Variants in LGALS2 observed in about 807,000 individuals in gnomAD.
The protein encoded by LGALS2 is galectin-2.
In LGALS2, 7 loss-of-function variants were observed where a neutral mutation model predicts 10.1. The observed-to-expected ratio is 0.70, with a 90% CI of 0.40 to 1.31. The LOEUF is 1.31. Among genes scored for constraint, LGALS2 ranks in the 50% most tolerant of loss-of-function variants. LGALS2 has a pLI of 0.01. For synonymous variants in LGALS2, 86 were observed against 64.2 expected, an observed-to-expected ratio of 1.34 and a Z score of -1.63; for missense variants, 167 against 163.6, an observed-to-expected ratio of 1.02 and a Z score of -0.11.
Position 37,571,897 on chromosome 22 carries a change from G to T in LGALS2, c.41C>A (p.Pro14Gln). ...ELEVKNMDMKPGSTLKITGSI... is the reference protein window; with the variant it reads ...ELEVKNMDMKQGSTLKITGSI... ...GCCTGTGATCTTCAGGGTTGACCCC[G>T]GCTTCATGTCCATGTTCTTAACCTC... Residue 14 changes from proline (P) to glutamine (Q), a missense_variant, in exon 2 of 4, where the codon CCG (proline) becomes CAG (glutamine). By Grantham distance (76) the Pro-to-Gln change is moderately conservative. Transcript: ENST00000215886. 1 of 1,614,052 alleles carries T rather than the reference G, an allele frequency of 6.2e-7. No individual in the cohort carries two copies. The highest frequency in any genetic ancestry group is 8.5e-7 in the Non-Finnish European group (1 of 1,179,964).
intron 1 of LGALS2, among the ~76,000 whole-genome samples, chr22:37,576,578 C>T (rs1183873963): frequency 5.3e-5 from 8 of 152,098 alleles, no homozygotes; most frequent in East Asian, 1.9e-4. Flanking sequence ...CAGGTGTGCC[C>T]GCCACACAGA....
At chr22:37,572,688 A>G (rs1432750717) in intron 1 of LGALS2, among the ~76,000 whole-genome samples, 1 of 150,686 alleles carries the variant, frequency 6.6e-6, no homozygotes, top group African/African-American at 2.4e-5. Flanking sequence ...AATGGTGTGA[A>G]CCCGGGAGGC....
At chr22:37,579,577 C>T (rs1181745246) in intron 1 of LGALS2, among the ~76,000 whole-genome samples, 1 of 152,102 alleles carries the variant, frequency 6.6e-6, no homozygotes, top group Non-Finnish European at 1.5e-5. Flanking sequence ...GGATTACAGG[C>T]ATGTGCCACC....
chr22:37,571,983 A>G (rs1925513215), intron 1 of LGALS2, 52 bp from the exon 2 acceptor site: 1 of 1,463,684 alleles, frequency 6.8e-7, no homozygotes, highest in South Asian at 1.1e-5. Flanking sequence ...AATCAATCCC[A>G]CACTTGCCCA....
At chr22:37,576,376 C>T (rs1268536094) in intron 1 of LGALS2, among the ~76,000 whole-genome samples, 4 of 148,782 alleles carry the variant, frequency 2.7e-5, no homozygotes, top group East Asian at 2.0e-4. Context: ...GGCGTGAACC[C>T]GGGAGGCGGT....
chr22:37,574,876 C>CTTT (rs1344887301), intron 1 of LGALS2, among the ~76,000 whole-genome samples: 1 of 137,212 alleles, frequency 7.3e-6, no homozygotes, highest in African/African-American at 2.7e-5. Flanking sequence ...GCAGTAAGTT[C>CTTT]TTTTTTTTTT....
At chr22:37,573,856 G>GAGT (rs929924597) in intron 1 of LGALS2, among the ~76,000 whole-genome samples, 1 of 150,774 alleles carries the variant, frequency 6.6e-6, no homozygotes, top group African/African-American at 2.4e-5. Flanking sequence ...TCAGCCTCCC[G>GAGT]AGTAGCTGGG....
At position 37,579,921 on chromosome 22, in the gene LGALS2, C is replaced by T. The variant is rs774660189; in HGVS notation, c.-16G>A. 57 of 1,611,210 alleles carry T rather than the reference C, an allele frequency of 3.5e-5. 1 individual carries two copies. Among genetic ancestry groups the T allele is most frequent in the South Asian group, 2.1e-4 (19 of 89,970 alleles). On this transcript the variant is annotated 5_prime_UTR_variant, in exon 1 of 4. Transcript: ENST00000215886. ...TCACCGTCATGGTGACAGCTCCTGGCGGCAGCTCCCAGCGGCTCCTGGAGG... is the reference window on the plus strand; with the variant it reads ...TCACCGTCATGGTGACAGCTCCTGGTGGCAGCTCCCAGCGGCTCCTGGAGG...
chr22:37,576,861 A>G (rs924713721), intron 1 of LGALS2, among the ~76,000 whole-genome samples: 2 of 152,306 alleles, frequency 1.3e-5, no homozygotes, highest in South Asian at 2.1e-4. Flanking sequence ...TCAGGGGTGC[A>G]CTTGGACAAA....
chr22:37,579,478 G>C (rs1405968220), intron 1 of LGALS2, among the ~76,000 whole-genome samples: 1 of 151,982 alleles, frequency 6.6e-6, no homozygotes, highest in Non-Finnish European at 1.5e-5. Context: ...TGTTGCCCAG[G>C]CTGGAGTGCA....
rs778330631 is a variant in LGALS2, at chr22:37,570,320, C to T, written c.342G>A (p.Leu114=). 1.2e-6 allele frequency: 2 copies of T among 1,614,044 alleles called. No homozygotes were observed. The highest frequency in any genetic ancestry group is 2.2e-5 in the South Asian group (2 of 91,078). ...TFPNRLGHSH[L]SYLSVRGGFN... is the part of the protein sequence containing the mutation. ...ACCCGCCCCTTACGCTCAGGTAGCT[C>T]AGGTGGCTGTGACCCAGCCTGTTGG... The change falls in exon 4 of 4, where the codon CTG becomes CTA. Residue 114 remains leucine, a synonymous_variant. Coordinates refer to ENST00000215886, the MANE Select transcript of LGALS2 (RefSeq NM_006498.3).
intron 1 of LGALS2, among the ~76,000 whole-genome samples, chr22:37,572,843 C>T (rs11912616): frequency 0.11 from 16,221 of 148,680 alleles, 2,332 homozygotes; most frequent in African/African-American, 0.34. Flanking sequence ...TGGTGGCGGG[C>T]GCCTGTAATC....
At chr22:37,575,865 C>A (rs1925658204) in intron 1 of LGALS2, among the ~76,000 whole-genome samples, 2 of 152,346 alleles carry the variant, frequency 1.3e-5, no homozygotes, top group South Asian at 4.1e-4. Flanking sequence ...CAGAGCTTCT[C>A]AGCCTTGGCC....
At chr22:37,572,769 A>AAATAATAATAAT (rs10633102) in intron 1 of LGALS2, among the ~76,000 whole-genome samples, 2,435 of 136,360 alleles carry the variant, frequency 0.018, 67 homozygotes, top group African/African-American at 0.054. Context: ...TCCATCTCAA[A>AAATAATAATAAT]AATAATAATA....
In LGALS2 at chr22:37,579,918, T is replaced by C. The variant is rs1445236286; in HGVS notation, c.-13A>G. The C allele has an allele frequency of 3.1e-6, 5 of 1,611,524 alleles. No homozygotes were observed. Among genetic ancestry groups the C allele is most frequent in the Admixed American group, 1.7e-5 (1 of 59,816 alleles). On this transcript the variant is annotated 5_prime_UTR_variant, in exon 1 of 4. Coordinates refer to ENST00000215886, the MANE Select transcript of LGALS2 (RefSeq NM_006498.3). ...TCCTCACCGTCATGGTGACAGCTCCTGGCGGCAGCTCCCAGCGGCTCCTGG... is the reference window on the plus strand; with the variant it reads ...TCCTCACCGTCATGGTGACAGCTCCCGGCGGCAGCTCCCAGCGGCTCCTGG...
intron 1 of LGALS2, among the ~76,000 whole-genome samples, chr22:37,575,707 G>A (rs370552708): frequency 9.2e-5 from 14 of 151,750 alleles, no homozygotes; most frequent in African/African-American, 1.7e-4. Flanking sequence ...CTCCCACCTC[G>A]GCCTCCCAAA....
rs182287744 is a variant in LGALS2 at position 37,571,849 on chromosome 22, C to T, written c.89G>A (p.Gly30Asp). 6.2e-7 allele frequency: 1 copy of T among 1,613,662 alleles called. No homozygotes were observed. Among genetic ancestry groups the T allele is most frequent in the South Asian group, 1.1e-5 (1 of 91,088 alleles). ...CCCCCAACCCTGAAACCTTGCTCACCCATCAGTGCCATCGGCGATGCTGCC... is the reference window on the plus strand; with the variant it reads ...CCCCCAACCCTGAAACCTTGCTCACTCATCAGTGCCATCGGCGATGCTGCC... Reference protein sequence around the residue: ...ITGSIADGTDGFVINLGQGTD... With the variant: ...ITGSIADGTDDFVINLGQGTD... Residue 30 changes from glycine to aspartate, a missense_variant and splice_region_variant, in exon 2 of 4, where the codon GGC (glycine) becomes GAC (aspartate). Gly to Asp is a moderately conservative substitution (Grantham distance 94, BLOSUM62 -1). Coordinates refer to ENST00000215886, the MANE Select transcript of LGALS2 (RefSeq NM_006498.3).
intron 1 of LGALS2, among the ~76,000 whole-genome samples, chr22:37,574,207 G>A (rs1925594417): frequency 6.6e-6 from 1 of 152,088 alleles, no homozygotes; most frequent in South Asian, 2.1e-4. Flanking sequence ...AGATTTCTAA[G>A]CTGGGTTTTC....
intron 1 of LGALS2, among the ~76,000 whole-genome samples, chr22:37,575,016 G>A (rs989727143): frequency 6.6e-6 from 1 of 151,030 alleles, no homozygotes; most frequent in Non-Finnish European, 1.5e-5. Context: ...CCGAGTCACT[G>A]AGATTACAGG....
Sources: allele counts gnomAD v4.1 joint callset (sites outside exome capture counted in the v4.1 genomes callset), GRCh38; gene constraint gnomAD v4.1.1; transcripts MANE v1.5; gene names NCBI Gene and HGNC (gene_info 2026-07-23, HGNC 2026-07-21).